ERAP1: variants seen among roughly 807,000 people sequenced by gnomAD.
The protein encoded by ERAP1 is endoplasmic reticulum aminopeptidase 1.
In ERAP1, 86 loss-of-function variants were observed where a neutral mutation model predicts 103.7. That is an observed-to-expected ratio of 0.83 (90% confidence interval 0.70 to 0.99). ERAP1 has a LOEUF of 0.99. ERAP1 is among the 50% of genes least tolerant of loss of function. The pLI, the probability that ERAP1 is intolerant of heterozygous loss-of-function variation, is 0.00. For missense variants in ERAP1, 1,009 were observed against 1,128.4 expected (o/e 0.89, Z 1.52); for synonymous variants, 398 against 402.4 (o/e 0.99, Z 0.13).
At chr5:96,934,273 T>C in the ERAP1 span, 1 of 152,128 alleles carries the variant, frequency 6.6e-6, no homozygotes, top group Non-Finnish European at 1.5e-5. Context: ...CAAGGCCAAG[T>C]CTTTATAGAG....
the ERAP1 span, among the ~76,000 whole-genome samples, chr5:96,871,709 G>A: frequency 6.6e-6 from 1 of 152,120 alleles, no homozygotes; most frequent in Non-Finnish European, 1.5e-5. Context: ...GTTGTTCAAT[G>A]TCAAGTTTGT....
the ERAP1 span, chr5:96,889,528 A>G: frequency 1.4e-6 from 1 of 697,694 alleles, no homozygotes; most frequent in African/African-American, 1.8e-5. Context: ...TATCAGGTTT[A>G]ACGTTAACAT....
chr5:96,774,842 A>G lies in ERAP1; in HGVS notation c.*1554T>C. On this transcript the variant is annotated 3_prime_UTR_variant, in exon 19 of 19. Transcript: ENST00000443439. ...TTTATTTGTTGTAGTGAATGGTTTA[A>G]TAAATGGCAGATTTATGTCCAGAAG... 2.0e-6 allele frequency: 2 copies of G among 985,562 alleles called. No homozygotes were observed. Among genetic ancestry groups the G allele is most frequent in the South Asian group, 9.4e-5 (2 of 21,282 alleles). The allele number at this position is 985,562 out of a possible 1,614,324, so 61.1% of individuals were successfully genotyped here.
At chr5:96,828,980 G>A in the ERAP1 span, among the ~76,000 whole-genome samples, 1 of 152,032 alleles carries the variant, frequency 6.6e-6, no homozygotes, top group Non-Finnish European at 1.5e-5. Flanking sequence ...CCCAGTAGCT[G>A]GGATTACAGG....
chr5:96,846,793 T>TAAA, the ERAP1 span, among the ~76,000 whole-genome samples: 10 of 151,050 alleles, frequency 6.6e-5, no homozygotes, highest in South Asian at 8.4e-4. Flanking sequence ...GAAGCCATGG[T>TAAA]AAAAAAAATG....
At chr5:96,921,313 T>C in the ERAP1 span, among the ~76,000 whole-genome samples, 1 of 152,272 alleles carries the variant, frequency 6.6e-6, no homozygotes, top group Non-Finnish European at 1.5e-5. Flanking sequence ...AATTTTATTC[T>C]ACATTTTTAG....
chr5:96,888,351 C>T, the ERAP1 span, among the ~76,000 whole-genome samples: 2 of 152,200 alleles, frequency 1.3e-5, no homozygotes, highest in African/African-American at 4.8e-5. Context: ...TCCTGTCAGC[C>T]TCTTTGGATT....
the ERAP1 span, among the ~76,000 whole-genome samples, chr5:96,858,156 A>G: frequency 2.0e-5 from 3 of 152,006 alleles, no homozygotes; most frequent in African/African-American, 7.2e-5. Context: ...TAATTTGGTT[A>G]CAGCAAACAT....
At chr5:96,810,274 G>A (rs1352258220), upstream of ERAP1, among the ~76,000 whole-genome samples, 1 of 152,216 alleles carries the variant, frequency 6.6e-6, no homozygotes, top group African/African-American at 2.4e-5. Context: ...AGGAGTCCTA[G>A]TTCTAGAGCC....
the ERAP1 span, among the ~76,000 whole-genome samples, chr5:96,833,869 T>C: frequency 6.6e-6 from 1 of 152,032 alleles, no homozygotes; most frequent in Non-Finnish European, 1.5e-5. Flanking sequence ...GGTTCAGCCC[T>C]CCATGTGTCT....
the ERAP1 span, chr5:96,913,581 T>A: frequency 8.5e-7 from 1 of 1,182,274 alleles, no homozygotes; most frequent in Non-Finnish European, 1.2e-6. Context: ...AATAGTTCAG[T>A]GGAGTCAACT....
At chr5:96,836,176 G>GTTTTTTTTTTTTTT in the ERAP1 span, among the ~76,000 whole-genome samples, 8 of 106,670 alleles carry the variant, frequency 7.5e-5, no homozygotes, top group Non-Finnish European at 1.1e-4. Flanking sequence ...CACCTCTTTG[G>GTTTTTTTTTTTTTT]TTTTTTTTTT....
chr5:96,766,240 A>G lies in ERAP1; in HGVS notation c.2819-3012T>C, dbSNP rs27524. The G allele has an allele frequency of 0.63, 449,278 of 710,624 alleles. 143,368 individuals carry two copies. The highest frequency in any genetic ancestry group is 0.74 in the Admixed American group (31,968 of 43,266). 44.0% of individuals were successfully genotyped at this position (710,624 alleles called of 1,614,324 possible). On this transcript the variant is annotated intron_variant, in intron 19 of 19. Coordinates refer to the ERAP1 transcript ENST00000296754. ...TAAATAGTAGCTATACTCCTTTACA[A>G]TAGCATAAAACATACCATGACTGAC...
chr5:96,762,968 TC>T, exon 20 of ERAP1: 2 of 582,976 alleles, frequency 3.4e-6, no homozygotes, highest in Non-Finnish European at 6.2e-6. Flanking sequence ...TTTCCAGACT[TC>T]CTTGACTAAT....
the ERAP1 span, chr5:96,896,966 T>TCA: frequency 7.5e-3 from 3,263 of 435,696 alleles, 4 homozygotes; most frequent in South Asian, 9.9e-3. Flanking sequence ...TCAACCATAT[T>TCA]TATTCTGCTT....
chr5:96,813,046 G>A (rs915759607), upstream of ERAP1, among the ~76,000 whole-genome samples: 6 of 152,106 alleles, frequency 3.9e-5, no homozygotes, highest in African/African-American at 1.4e-4. Context: ...GGTGGGAAGT[G>A]GAAGAAAGAG....
At chr5:96,816,043 C>A in the ERAP1 span, among the ~76,000 whole-genome samples, 78 of 152,236 alleles carry the variant, frequency 5.1e-4, 2 homozygotes, top group East Asian at 0.014. Context: ...AGGAACAAAG[C>A]AGATTTTCCA....
chr5:96,903,719 G>GT, the ERAP1 span, among the ~76,000 whole-genome samples: 1 of 151,904 alleles, frequency 6.6e-6, no homozygotes, highest in African/African-American at 2.4e-5. Flanking sequence ...CACTAATAAC[G>GT]TATTTTGACC....
intron 10 of ERAP1, among the ~76,000 whole-genome samples, chr5:96,789,356 G>A (rs144810074): frequency 0.016 from 2,448 of 152,080 alleles, 69 homozygotes; most frequent in Admixed American, 0.073. Context: ...GTGTAGTGGC[G>A]TGTGCCTGTA....
Sources: gnomAD v4.1 joint callset for allele counts (sites outside exome capture counted in the v4.1 genomes callset) on GRCh38, gnomAD v4.1.1 for gene constraint, MANE v1.5 for transcripts, NCBI Gene and HGNC (gene_info 2026-07-23, HGNC 2026-07-21) for gene names.